The following NTN1 variants were observed in gnomAD, a reference collection of about 807,000 sequenced individuals.
NTN1 encodes the protein netrin-1.
A neutral mutation model predicts 54.2 loss-of-function variants in NTN1; 11 were observed. The ratio of observed to expected loss-of-function variants is 0.20; its 90% confidence interval spans 0.13 to 0.34. The LOEUF (loss-of-function observed/expected upper bound fraction) is 0.34. Among genes scored for constraint, NTN1 ranks in the 10% least tolerant of loss-of-function variants. The pLI, the probability that NTN1 is intolerant of heterozygous loss-of-function variation, is 1.00. For synonymous variants in NTN1, 371 were observed against 382.0 expected, an observed-to-expected ratio of 0.97 and a Z score of 0.33; for missense variants, 740 against 893.1, an observed-to-expected ratio of 0.83 and a Z score of 2.18.
intron 5 of NTN1, among the ~76,000 whole-genome samples, chr17:9,194,999 C>T (rs938641106): frequency 2.6e-5 from 4 of 152,158 alleles, no homozygotes; most frequent in African/African-American, 9.7e-5. Context: ...TTTCCCCTCT[C>T]TTCTTTCTCA....
intron 2 of NTN1, among the ~76,000 whole-genome samples, chr17:9,028,898 T>C (rs2091880068): frequency 6.6e-6 from 1 of 152,224 alleles, no homozygotes; most frequent in African/African-American, 2.4e-5. Context: ...CAGCCTTATC[T>C]GTGGATGCAC....
chr17:9,186,560 T>TGCCCCAGCA (rs1234477994), intron 5 of NTN1, among the ~76,000 whole-genome samples: 2 of 152,174 alleles, frequency 1.3e-5, no homozygotes, highest in Non-Finnish European at 2.9e-5. Context: ...TTTGGCTAAC[T>TGCCCCAGCA]GCCCCAGCAG....
chr17:9,184,049 G>A (rs1229948556), intron 5 of NTN1, among the ~76,000 whole-genome samples: 2 of 152,216 alleles, frequency 1.3e-5, no homozygotes, highest in African/African-American at 4.8e-5. Context: ...AAGGACTGTA[G>A]CGAGGGATGG....
At chr17:9,147,720 G>T (rs578169844) in intron 2 of NTN1, among the ~76,000 whole-genome samples, 1 of 152,208 alleles carries the variant, frequency 6.6e-6, no homozygotes, top group South Asian at 2.1e-4. Flanking sequence ...TCCCCCAGGG[G>T]TGGCCCATTC....
At chr17:9,163,237 T>A (rs569375533) in intron 3 of NTN1, among the ~76,000 whole-genome samples, 1 of 148,364 alleles carries the variant, frequency 6.7e-6, no homozygotes, top group East Asian at 2.0e-4. Flanking sequence ...GATGGAGACA[T>A]GGCTCAAAGG....
chr17:9,236,179 G>A (rs538845087), intron 6 of NTN1, among the ~76,000 whole-genome samples: 1 of 151,878 alleles, frequency 6.6e-6, no homozygotes, highest in South Asian at 2.1e-4. Context: ...GCCCGTCCTC[G>A]AGGCCATGGT....
At chr17:9,033,008 C>T (rs115282761) in intron 2 of NTN1, among the ~76,000 whole-genome samples, 244 of 147,458 alleles carry the variant, frequency 1.7e-3, no homozygotes, top group African/African-American at 6.1e-3. Context: ...GGCTGGAGTG[C>T]AATGGCACCG....
chr17:9,074,759 C>T (rs1469042636), intron 2 of NTN1, among the ~76,000 whole-genome samples: 1 of 152,146 alleles, frequency 6.6e-6, no homozygotes, highest in Non-Finnish European at 1.5e-5. Flanking sequence ...GATTTGACAC[C>T]CAAGGGTTGA....
chr17:9,216,099 G>A (rs560140518), intron 5 of NTN1, among the ~76,000 whole-genome samples: 24 of 152,172 alleles, frequency 1.6e-4, no homozygotes, highest in African/African-American at 5.1e-4. Context: ...TAACCATCAC[G>A]CCCGGCTATG....
intron 2 of NTN1, among the ~76,000 whole-genome samples, chr17:9,109,602 A>G (rs1267786983): frequency 1.3e-5 from 2 of 152,212 alleles, no homozygotes; most frequent in Non-Finnish European, 2.9e-5. Context: ...AGCATTGTCC[A>G]TATCTCCTGG....
rs543344948 is a variant in NTN1, at chr17:9,193,016, G to T, written c.1411+10047G>T. On this transcript the variant is annotated intron_variant, in intron 5 of 6. Transcript: ENST00000173229. ...AATCACTTGAACCCTGGAGGCGGAG[G>T]TTGCAGTGAGCCAGGATCATGCCAC... is the stretch of plus-strand genomic sequence containing the variant. Among the ~76,000 whole-genome samples, 12 of 147,492 alleles carry T rather than the reference G, an allele frequency of 8.1e-5. No individual in the cohort carries two copies. In the South Asian group the frequency reaches 2.3e-3, roughly 29 times the overall value.
intron 2 of NTN1, among the ~76,000 whole-genome samples, chr17:9,159,270 C>T (rs762769997): frequency 1.3e-5 from 2 of 152,176 alleles, no homozygotes; most frequent in African/African-American, 2.4e-5. Flanking sequence ...AAAAACAATA[C>T]ATGGGGAAAT....
chr17:9,051,995 G>A (rs1017144960), intron 2 of NTN1, among the ~76,000 whole-genome samples: 2 of 151,424 alleles, frequency 1.3e-5, no homozygotes, highest in African/African-American at 4.9e-5. Context: ...GTTTTGACGC[G>A]GAGTTTCGCT....
intron 2 of NTN1, among the ~76,000 whole-genome samples, chr17:9,076,492 C>T (rs568686773): frequency 4.6e-5 from 7 of 152,182 alleles, no homozygotes; most frequent in Admixed American, 1.3e-4. Flanking sequence ...CCCACCTCAG[C>T]ATCCCGAGTA....
chr17:9,187,242 A>C (rs2092436101), intron 5 of NTN1, among the ~76,000 whole-genome samples: 1 of 152,142 alleles, frequency 6.6e-6, no homozygotes, highest in South Asian at 2.1e-4. Flanking sequence ...GTGGAGAGTC[A>C]GCTTGATTGG....
intron 2 of NTN1, among the ~76,000 whole-genome samples, chr17:9,042,477 A>T (rs66624569): frequency 0.17 from 22,795 of 137,726 alleles, 1,893 homozygotes; most frequent in Non-Finnish European, 0.18. Flanking sequence ...ACATAGTGAG[A>T]CTCTGTCCCT....
chr17:9,230,137 C>A (rs1402347070), intron 6 of NTN1, among the ~76,000 whole-genome samples: 1 of 152,214 alleles, frequency 6.6e-6, no homozygotes, highest in Non-Finnish European at 1.5e-5. Flanking sequence ...CGGGCTCAAT[C>A]CCTTCAAGTG....
At chr17:9,032,934 G>A (rs1411830699) in intron 2 of NTN1, among the ~76,000 whole-genome samples, 1 of 148,934 alleles carries the variant, frequency 6.7e-6, no homozygotes, top group East Asian at 2.0e-4. Context: ...ACTGCTTCTT[G>A]CTCCAATCCA....
At chr17:9,126,458 C>A (rs9898188) in intron 2 of NTN1, among the ~76,000 whole-genome samples, 1 of 115,390 alleles carries the variant, frequency 8.7e-6, no homozygotes, top group Admixed American at 9.7e-5. Flanking sequence ...TGCGGTGAGC[C>A]GAGATCGTGC....
Sources: allele counts gnomAD v4.1 joint callset (sites outside exome capture counted in the v4.1 genomes callset), GRCh38; gene constraint gnomAD v4.1.1; transcripts MANE v1.5; gene names NCBI Gene and HGNC (gene_info 2026-07-23, HGNC 2026-07-21).